The following LACTB variants were observed in gnomAD, a reference collection of about 807,000 sequenced individuals.
The protein encoded by LACTB is lactamase beta.
LACTB carries 35 observed loss-of-function variants against 50.2 expected under a neutral mutation model. That is an observed-to-expected ratio of 0.70 (90% CI 0.53 to 0.92). The LOEUF is 0.92. LACTB is among the 40% of genes least tolerant of loss of function. The pLI, the probability that LACTB is intolerant of heterozygous loss-of-function variation, is 0.00. For synonymous variants in LACTB, 252 were observed against 268.2 expected (o/e 0.94, Z 0.59); for missense variants, 664 against 691.8 (o/e 0.96, Z 0.45).
At chr15:63,123,114 T>C (rs916700059) in intron 2 of LACTB, among the ~76,000 whole-genome samples, 1 of 152,216 alleles carries the variant, frequency 6.6e-6, no homozygotes, top group African/African-American at 2.4e-5. Context: ...AGTAAGAGAT[T>C]AGCAACAATA....
At chr15:63,137,251 T>C (rs2037186512) in intron 5 of LACTB, among the ~76,000 whole-genome samples, 1 of 152,200 alleles carries the variant, frequency 6.6e-6, no homozygotes, top group African/African-American at 2.4e-5. Context: ...TAAGTGAACA[T>C]CACAAAGGAG....
intron 5 of LACTB, among the ~76,000 whole-genome samples, chr15:63,131,954 CAA>C (rs150663457): frequency 7.3e-6 from 1 of 136,184 alleles, no homozygotes. Flanking sequence ...CCGCCCCCAA[CAA>C]AAAAAAAAAA....
In LACTB at chr15:63,128,442, T is replaced by A. The variant is rs566041732; in HGVS notation, c.952+753T>A. Among the ~76,000 whole-genome samples the A allele has an allele frequency of 6.6e-5, 10 of 152,030 alleles. No individual in the cohort carries two copies. In the East Asian group the frequency reaches 1.2e-3, roughly 18 times the overall value. On this transcript the variant is annotated intron_variant, in intron 4 of 5. Transcript: ENST00000261893. Reference sequence around the variant, plus strand: ...CAAGGCCCTGTTTCTCCAAAAAAAATTTTAAATTAGCCAGGTTCAGTGGCC... The same window carrying A: ...CAAGGCCCTGTTTCTCCAAAAAAAAATTTAAATTAGCCAGGTTCAGTGGCC...
intron 1 of LACTB, 45 bp downstream of exon 1, chr15:63,122,273 C>A: frequency 6.8e-7 from 1 of 1,463,330 alleles, no homozygotes; most frequent in South Asian, 1.3e-5. Flanking sequence ...GGGATCCACC[C>A]CTGTCGGCGG....
chr15:63,129,717 C>T, intron 5 of LACTB, 67 bp downstream of exon 5: 2 of 1,360,458 alleles, frequency 1.5e-6, no homozygotes, highest in Non-Finnish European at 1.9e-6. Context: ...AATTAAAAGT[C>T]AAATTTTCTT....
chr15:63,130,644 AC>A (rs1350623632), intron 5 of LACTB: 2 of 151,992 alleles, frequency 1.3e-5, no homozygotes, highest in Non-Finnish European at 2.9e-5. Flanking sequence ...GAGCAGAAAA[AC>A]TTTTTTTTCT....
chr15:63,126,979 A>G lies in LACTB; in HGVS notation c.545A>G (p.Lys182Arg). The G allele has an allele frequency of 6.2e-7, 1 of 1,613,718 alleles. No homozygotes were observed. ...CTTGCCAAATTGTGGGAAGCAGGGAAACTGGATCTTGATATTCCAGTACAA... is the reference window on the plus strand; with the variant it reads ...CTTGCCAAATTGTGGGAAGCAGGGAGACTGGATCTTGATATTCCAGTACAA... ...VALAKLWEAG[K>R]LDLDIPVQHY... is the part of the protein sequence containing the mutation. Residue 182 changes from lysine (K) to arginine (R), a missense_variant, in exon 3 of 6, where the codon AAA (lysine) becomes AGA (arginine). Transcript: ENST00000261893.
chr15:63,128,628 A>G (rs756445398), intron 4 of LACTB, among the ~76,000 whole-genome samples: 23 of 152,290 alleles, frequency 1.5e-4, no homozygotes, highest in Middle Eastern at 3.4e-3. Context: ...TTTGTCCAGA[A>G]CCCAAAATGA....
Position 63,122,036 on chromosome 15 carries a change from G to A in LACTB, c.165G>A (p.Lys55=). The A allele has an allele frequency of 7.1e-7, 1 of 1,417,576 alleles. No homozygotes were observed. The highest frequency in any genetic ancestry group is 9.1e-7 in the Non-Finnish European group (1 of 1,094,458). 87.8% of individuals were successfully genotyped at this position (1,417,576 alleles called of 1,614,324 possible). A position where few individuals can be genotyped will look rare whatever the true frequency, so the allele number is the denominator to read the frequency against. Reference sequence around the variant, plus strand: ...GGCTGGGGCTGGCGCTCGGGGTGAAGCTGGCAGGTGGGCTGAGGGGCGCGG... The same window carrying A: ...GGCTGGGGCTGGCGCTCGGGGTGAAACTGGCAGGTGGGCTGAGGGGCGCGG... The part of the protein sequence containing the change: ...GLGLGLALGV[K]LAGGLRGAAP... The change falls in exon 1 of 6, where the codon AAG becomes AAA. Residue 55 remains lysine, a synonymous_variant. Coordinates refer to ENST00000261893, the MANE Select transcript of LACTB (RefSeq NM_032857.5).
At chr15:63,129,881 TA>T in intron 5 of LACTB, 1 of 417,770 alleles carries the variant, frequency 2.4e-6, no homozygotes, top group Non-Finnish European at 3.7e-6. Flanking sequence ...CAAACATGAA[TA>T]ACTAAACCAA....
rs770915882 is a variant in LACTB at position 63,126,855 on chromosome 15, A to G, written c.425-4A>G. ...TAGTGACTTTTTGCTTTTTTCCCCC[A>G]AAGGTTTAGGTTATGCTGATGTTGA... On this transcript the variant is annotated splice_region_variant and splice_polypyrimidine_tract_variant and intron_variant, in intron 2 of 5. Transcript: ENST00000261893. 5 of 1,496,462 alleles carry G rather than the reference A, an allele frequency of 3.3e-6. No individual in the cohort carries two copies. In the South Asian group the frequency reaches 5.4e-5, roughly 16 times the overall value. The allele number at this position is 1,496,462 out of a possible 1,614,324, so 92.7% of individuals were successfully genotyped here.
Position 63,126,869 on chromosome 15 carries a change from T to C in LACTB, c.435T>C (p.Tyr145=). The C allele has an allele frequency of 3.2e-6, 5 of 1,571,844 alleles. No homozygotes were observed. The highest frequency in any genetic ancestry group is 4.3e-6 in the Non-Finnish European group (5 of 1,153,944). ...GKEVWSEGLG[Y]ADVENRVPCK... ...TTTTTTCCCCCAAAGGTTTAGGTTA[T>C]GCTGATGTTGAGAACCGTGTACCAT... Residue 145 remains tyrosine, a synonymous_variant, in exon 3 of 6, where the codon TAT becomes TAC. Transcript: ENST00000261893.
chr15:63,126,999 G>A lies in LACTB; in HGVS notation c.565G>A (p.Val189Ile), dbSNP rs779810437. 12 of 1,612,582 alleles carry A rather than the reference G, an allele frequency of 7.4e-6. No individual in the cohort carries two copies. Among genetic ancestry groups the A allele is most frequent in the African/African-American group, 5.3e-5 (4 of 74,880 alleles). ...AGGGAAACTGGATCTTGATATTCCA[G>A]TACAACATTATGTTCCCGAATTCCC... ...EAGKLDLDIPVQHYVPEFPEK... is the reference protein window; with the variant it reads ...EAGKLDLDIPIQHYVPEFPEK... Residue 189 changes from valine (V) to isoleucine (I), a missense_variant, in exon 3 of 6, where the codon GTA becomes ATA. Transcript: ENST00000261893.
Position 63,121,974 on chromosome 15 carries a change from C to A in LACTB, c.103C>A (p.Pro35Thr). ...RGVHQRAGLPPLGHGWVGGLG... is the reference protein window; with the variant it reads ...RGVHQRAGLPTLGHGWVGGLG... ...GGTCCATCAGCGCGCCGGGCTGCCG[C>A]CTCTCGGCCACGGCTGGGTCGGGGG... Residue 35 changes from proline to threonine, a missense_variant, in exon 1 of 6, where the codon CCT becomes ACT. Pro to Thr is a conservative substitution (Grantham distance 38, BLOSUM62 -1). Transcript: ENST00000261893. 7.3e-7 allele frequency: 1 copy of A among 1,372,866 alleles called. No individual in the cohort carries two copies. The highest frequency in any genetic ancestry group is 9.3e-7 in the Non-Finnish European group (1 of 1,071,502). 85.0% of individuals were successfully genotyped at this position (1,372,866 alleles called of 1,614,324 possible). A position where few individuals can be genotyped will look rare whatever the true frequency, so the allele number is the denominator to read the frequency against.
chr15:63,123,626 G>A (rs1039901161), intron 2 of LACTB, among the ~76,000 whole-genome samples: 21 of 152,312 alleles, frequency 1.4e-4, no homozygotes, highest in Admixed American at 5.2e-4. Flanking sequence ...AAGCAAAAGG[G>A]GCAGGGTAAA....
intron 5 of LACTB, among the ~76,000 whole-genome samples, chr15:63,138,173 A>C (rs2037193077): frequency 6.6e-6 from 1 of 152,160 alleles, no homozygotes; most frequent in African/African-American, 2.4e-5. Context: ...AAAAAATACA[A>C]AAATTAGCCA....
chr15:63,141,178 T>C (rs1437409700), intron 5 of LACTB, 102 bp from the exon 6 acceptor site: 3 of 1,452,140 alleles, frequency 2.1e-6, no homozygotes, highest in Non-Finnish European at 1.8e-6. Flanking sequence ...TGTATGATCA[T>C]TACATTGAAA....
intron 1 of LACTB, 104 bp downstream of exon 1, chr15:63,122,332 G>T: frequency 1.0e-6 from 1 of 1,000,400 alleles, no homozygotes; most frequent in East Asian, 2.7e-5. Context: ...GGGTGCCCGC[G>T]ATCGGCTTCC....
chr15:63,140,910 C>T, intron 5 of LACTB: 3 of 651,288 alleles, frequency 4.6e-6, no homozygotes, highest in Non-Finnish European at 5.7e-6. Flanking sequence ...ACATTAACCC[C>T]AAGGACAAGG....
Sources: allele counts gnomAD v4.1 joint callset (sites outside exome capture counted in the v4.1 genomes callset), GRCh38; gene constraint gnomAD v4.1.1; transcripts MANE v1.5; gene names NCBI Gene and HGNC (gene_info 2026-07-23, HGNC 2026-07-21).